Variants in SLC35F3 observed in about 807,000 individuals in gnomAD.
SLC35F3 encodes putative thiamine transporter SLC35F3.
SLC35F3 carries 25 observed loss-of-function variants against 49.9 expected under a neutral mutation model. The ratio of observed to expected loss-of-function variants is 0.50; its 90% confidence interval spans 0.37 to 0.70. The LOEUF (loss-of-function observed/expected upper bound fraction) is 0.70, where lower values mean the gene tolerates loss of function less well. SLC35F3 is among the 30% of genes least tolerant of loss of function. SLC35F3 has a pLI of 0.00. For missense variants in SLC35F3, 525 were observed against 639.8 expected, an observed-to-expected ratio of 0.82 and a Z score of 1.94; for synonymous variants, 275 against 265.4, an observed-to-expected ratio of 1.04 and a Z score of -0.35.
At chr1:233,916,358 C>T (rs1372917753) in intron 2 of SLC35F3, among the ~76,000 whole-genome samples, 1 of 152,194 alleles carries the variant, frequency 6.6e-6, no homozygotes, top group Non-Finnish European at 1.5e-5. Flanking sequence ...GCCTCTAACT[C>T]CTGGGCTCAA....
chr1:234,275,594 GAC>G (rs1668192119), intron 3 of SLC35F3, among the ~76,000 whole-genome samples: 1 of 151,392 alleles, frequency 6.6e-6, no homozygotes, highest in African/African-American at 2.4e-5. Context: ...TAGATAGACA[GAC>G]AGACAGACAC....
rs1483103254 is a variant in SLC35F3, at chr1:234,269,719, G to A, written c.608+37978G>A. ...GAATAGATTCTGGGTTGTGTGAGTT[G>A]TCACCCTGTTAGTTCCCATGAATAG... is the stretch of plus-strand genomic sequence containing the variant. On this transcript the variant is annotated intron_variant, in intron 3 of 7. Transcript: ENST00000366618. Among the ~76,000 whole-genome samples the A allele has an allele frequency of 2.0e-5, 3 of 152,302 alleles. No homozygotes were observed. In the East Asian group the frequency reaches 5.8e-4, roughly 29 times the overall value.
At chr1:234,004,849 T>C (rs898190969) in intron 2 of SLC35F3, among the ~76,000 whole-genome samples, 1 of 152,210 alleles carries the variant, frequency 6.6e-6, no homozygotes, top group African/African-American at 2.4e-5. Context: ...TATTTTCAAA[T>C]GGCTTTTCTA....
At chr1:234,287,909 T>G (rs1466573298) in intron 3 of SLC35F3, among the ~76,000 whole-genome samples, 1 of 152,134 alleles carries the variant, frequency 6.6e-6, no homozygotes, top group African/African-American at 2.4e-5. Flanking sequence ...TTTAGAGAGG[T>G]AGAGTCTTGC....
At chr1:234,275,833 A>T (rs1005971691) in intron 3 of SLC35F3, among the ~76,000 whole-genome samples, 1 of 151,852 alleles carries the variant, frequency 6.6e-6, no homozygotes, top group Non-Finnish European at 1.5e-5. Context: ...GTTTAGTATT[A>T]ATATGTGCCA....
rs554127424 is a variant in SLC35F3, at chr1:234,315,186, C to T, written c.829-1416C>T. ...TTGGGCCAGGCAGTGCTCTCTTACA[C>T]GACAACCACCTGCTCTCTCAATGCC... On this transcript the variant is annotated intron_variant, in intron 4 of 7. Coordinates refer to ENST00000366618, the MANE Select transcript of SLC35F3 (RefSeq NM_173508.4). 4.8e-4 allele frequency among the ~76,000 whole-genome samples: 73 copies of T among 152,286 alleles called. 1 individual carries two copies. The highest frequency in any genetic ancestry group is 1.5e-4 in the Non-Finnish European group (10 of 68,018).
chr1:234,303,629 GA>G (rs141617495), intron 3 of SLC35F3, among the ~76,000 whole-genome samples: 10 of 152,094 alleles, frequency 6.6e-5, no homozygotes, highest in African/African-American at 2.4e-4. Flanking sequence ...ATTCTGGCTG[GA>G]AAAAAAATTT....
intron 2 of SLC35F3, among the ~76,000 whole-genome samples, chr1:234,054,408 CTCTT>C (rs1198591933): frequency 5.3e-5 from 8 of 152,070 alleles, no homozygotes; most frequent in African/African-American, 1.4e-4. Context: ...CAATCACTGA[CTCTT>C]TCTTCCACTT....
intron 2 of SLC35F3, among the ~76,000 whole-genome samples, chr1:233,914,088 A>C: frequency 6.6e-6 from 1 of 152,026 alleles, no homozygotes; most frequent in Non-Finnish European, 1.5e-5. Context: ...CCTGTACTAC[A>C]TCCTCCGTTT....
chr1:234,091,433 C>T (rs2102877480), intron 2 of SLC35F3, among the ~76,000 whole-genome samples: 1 of 152,330 alleles, frequency 6.6e-6, no homozygotes, highest in South Asian at 2.1e-4. Context: ...ATTTGTGGGA[C>T]CACGACCTGA....
intron 3 of SLC35F3, among the ~76,000 whole-genome samples, chr1:234,294,354 C>T (rs569298835): frequency 1.8e-4 from 28 of 152,258 alleles, no homozygotes; most frequent in African/African-American, 6.7e-4. Context: ...AGGTGGGCAG[C>T]GACTCTCTTT....
At chr1:234,238,428 T>G (rs1291307209) in intron 3 of SLC35F3, among the ~76,000 whole-genome samples, 1 of 152,138 alleles carries the variant, frequency 6.6e-6, no homozygotes, top group Non-Finnish European at 1.5e-5. Flanking sequence ...TCTGCCTGTT[T>G]TAAGACAACA....
chr1:233,983,451 T>G (rs1663217547), intron 2 of SLC35F3, among the ~76,000 whole-genome samples: 3 of 152,166 alleles, frequency 2.0e-5, no homozygotes, highest in African/African-American at 4.8e-5. Flanking sequence ...ACATCTACAA[T>G]CGATTTCTAT....
At chr1:233,999,368 A>ATGT (rs58347811) in intron 2 of SLC35F3, among the ~76,000 whole-genome samples, 10,000 of 152,094 alleles carry the variant, frequency 0.066, 565 homozygotes, top group East Asian at 0.25. Flanking sequence ...TCCATTCAGC[A>ATGT]CGTCACAAGA....
chr1:234,221,673 T>G (rs769370950), intron 2 of SLC35F3, among the ~76,000 whole-genome samples: 4 of 152,170 alleles, frequency 2.6e-5, no homozygotes, highest in Non-Finnish European at 4.4e-5. Context: ...ATAATACATT[T>G]CCATTGGTTA....
At chr1:234,315,118 GACT>G (rs1657455405) in intron 4 of SLC35F3, among the ~76,000 whole-genome samples, 1 of 152,188 alleles carries the variant, frequency 6.6e-6, no homozygotes, top group African/African-American at 2.4e-5. Flanking sequence ...CGGTGTGGCT[GACT>G]ACAAGTGAAT....
intron 2 of SLC35F3, among the ~76,000 whole-genome samples, chr1:234,002,219 A>G (rs927221533): frequency 2.0e-5 from 3 of 152,178 alleles, no homozygotes; most frequent in Non-Finnish European, 4.4e-5. Flanking sequence ...TATTAACCTC[A>G]CACAAAACAT....
chr1:233,938,162 A>G (rs73096493), intron 2 of SLC35F3, among the ~76,000 whole-genome samples: 5,935 of 152,138 alleles, frequency 0.039, 358 homozygotes, highest in African/African-American at 0.13. Context: ...CACAGAAACA[A>G]TAGGAGAATA....
intron 2 of SLC35F3, among the ~76,000 whole-genome samples, chr1:234,044,477 G>A (rs1664263097): frequency 6.6e-6 from 1 of 152,142 alleles, no homozygotes; most frequent in Admixed American, 6.5e-5. Flanking sequence ...AAATTGTCCT[G>A]TTGAAAGAAA....
Sources: allele counts gnomAD v4.1 joint callset (sites outside exome capture counted in the v4.1 genomes callset), GRCh38; gene constraint gnomAD v4.1.1; transcripts MANE v1.5; gene names NCBI Gene and HGNC (gene_info 2026-07-23, HGNC 2026-07-21).